Variants in LARP1B observed in about 807,000 individuals in gnomAD.
LARP1B encodes the protein la-related protein 1B.
A neutral mutation model predicts 114.2 loss-of-function variants in LARP1B; 76 were observed. That is an observed-to-expected ratio of 0.67 (90% confidence interval 0.55 to 0.81). The LOEUF is 0.81. Ranked by LOEUF, LARP1B falls within the 30% of genes least tolerant of loss-of-function variation. LARP1B has a pLI of 0.00. For synonymous variants in LARP1B, 345 were observed against 348.0 expected (o/e 0.99, Z 0.10); for missense variants, 1,014 against 1,075.8 (o/e 0.94, Z 0.80).
At chr4:128,077,088 G>A (rs766035262) in intron 3 of LARP1B, among the ~76,000 whole-genome samples, 2 of 152,086 alleles carry the variant, frequency 1.3e-5, no homozygotes, top group Admixed American at 6.6e-5. Flanking sequence ...TAAATGAGGA[G>A]TGGTATCCCA....
intron 1 of LARP1B, among the ~76,000 whole-genome samples, chr4:128,065,266 T>TTTCC (rs1338254213): frequency 2.2e-5 from 2 of 92,356 alleles, no homozygotes; most frequent in South Asian, 4.1e-4. Flanking sequence ...TCTTTCTTTC[T>TTTCC]TTCTTTCTTT....
At chr4:128,125,273 A>G (rs1225011788) in intron 11 of LARP1B, among the ~76,000 whole-genome samples, 1 of 152,148 alleles carries the variant, frequency 6.6e-6, no homozygotes, top group Non-Finnish European at 1.5e-5. Context: ...TCCTTTTCCC[A>G]TTTAATTGGT....
intron 1 of LARP1B, among the ~76,000 whole-genome samples, chr4:128,067,421 A>G (rs1763421767): frequency 6.6e-6 from 1 of 152,220 alleles, no homozygotes; most frequent in South Asian, 2.1e-4. Context: ...AACATAGGAA[A>G]CACAGGGGAG....
chr4:128,204,978 C>T (rs960384244), intron 17 of LARP1B, among the ~76,000 whole-genome samples: 19 of 152,162 alleles, frequency 1.2e-4, no homozygotes, highest in Admixed American at 6.5e-5. Flanking sequence ...CAACTGATGT[C>T]GGTATATGAT....
At chr4:128,134,899 G>A (rs919537794) in intron 11 of LARP1B, among the ~76,000 whole-genome samples, 1 of 152,102 alleles carries the variant, frequency 6.6e-6, no homozygotes, top group Non-Finnish European at 1.5e-5. Flanking sequence ...GAGGTCAGGA[G>A]TTTAAGACCA....
intron 15 of LARP1B, among the ~76,000 whole-genome samples, chr4:128,195,402 T>G (rs1187968767): frequency 6.6e-6 from 1 of 152,230 alleles, no homozygotes; most frequent in Non-Finnish European, 1.5e-5. Flanking sequence ...TTCATTTTGA[T>G]CTACCTCTTT....
intron 8 of LARP1B, among the ~76,000 whole-genome samples, chr4:128,103,244 T>C (rs1421358027): frequency 6.6e-6 from 1 of 152,232 alleles, no homozygotes; most frequent in Non-Finnish European, 1.5e-5. Context: ...GATCCTTTTA[T>C]GGCCTGAGTG....
chr4:128,135,508 G>A (rs915287906), intron 11 of LARP1B, among the ~76,000 whole-genome samples: 14 of 152,206 alleles, frequency 9.2e-5, no homozygotes, highest in African/African-American at 3.1e-4. Flanking sequence ...AACCCAAGAG[G>A]TGGGAGTAAG....
At chr4:128,178,813 G>T (rs1311977477) in intron 14 of LARP1B, among the ~76,000 whole-genome samples, 171 bp downstream of exon 14, 2 of 152,112 alleles carry the variant, frequency 1.3e-5, no homozygotes, top group African/African-American at 4.8e-5. Context: ...AAATTTTTCG[G>T]TTGGGCACGG....
chr4:128,103,847 C>T (rs1377937417), intron 8 of LARP1B, among the ~76,000 whole-genome samples: 1 of 151,970 alleles, frequency 6.6e-6, no homozygotes, highest in African/African-American at 2.4e-5. Flanking sequence ...CAGGTGTGAG[C>T]CACCATGCCT....
In LARP1B at chr4:128,199,593, C is replaced by G; in HGVS notation, c.2158C>G (p.Leu720Val). The G allele has an allele frequency of 2.6e-6, 4 of 1,540,806 alleles. No homozygotes were observed. The highest frequency in any genetic ancestry group is 3.5e-6 in the Non-Finnish European group (4 of 1,139,624). Residue 720 changes from leucine to valine, a missense_variant, in exon 16 of 20, where the codon CTA becomes GTA. Leu to Val is a conservative substitution (Grantham distance 32, BLOSUM62 1). Transcript: ENST00000326639. ...GTACCACAAGTATCGTCGAAGATGCCTAAGTGGTAAGATGCTTGTCCTTTA... is the reference window on the plus strand; with the variant it reads ...GTACCACAAGTATCGTCGAAGATGCGTAAGTGGTAAGATGCTTGTCCTTTA... The part of the protein sequence containing the change: ...QVYHKYRRRC[L>V]SERKRLGIGQ...
intron 11 of LARP1B, among the ~76,000 whole-genome samples, chr4:128,154,859 C>T (rs919052312): frequency 1.3e-5 from 2 of 150,508 alleles, no homozygotes; most frequent in African/African-American, 2.5e-5. Flanking sequence ...CTGCAACCTC[C>T]GTCTCCTGGG....
At chr4:128,069,081 G>T in intron 1 of LARP1B, 1 of 1,020,238 alleles carries the variant, frequency 9.8e-7, no homozygotes, top group Non-Finnish European at 1.5e-6. Context: ...ACCACCAATA[G>T]TGTGGTGGCA....
chr4:128,085,353 CTTT>C (rs35260726), intron 5 of LARP1B, among the ~76,000 whole-genome samples: 16 of 85,830 alleles, frequency 1.9e-4, no homozygotes, highest in South Asian at 1.1e-3. Context: ...CCTTAGCTTC[CTTT>C]TTTTTTTTTT....
At chr4:128,169,369 A>G (rs10019840) in intron 12 of LARP1B, among the ~76,000 whole-genome samples, 66,113 of 151,600 alleles carry the variant, frequency 0.44, 15,739 homozygotes, top group African/African-American at 0.62. Flanking sequence ...ACAAATTTCC[A>G]CCTAAGCAGT....
At chr4:128,169,141 T>A (rs1282954883) in intron 12 of LARP1B, among the ~76,000 whole-genome samples, 1 of 152,076 alleles carries the variant, frequency 6.6e-6, no homozygotes, top group Non-Finnish European at 1.5e-5. Context: ...TATAAATTTG[T>A]GTCTTTTTTG....
chr4:128,122,655 C>T, intron 11 of LARP1B: 1 of 1,421,194 alleles, frequency 7.0e-7, no homozygotes, highest in Non-Finnish European at 9.1e-7. Flanking sequence ...GTCTATGGTG[C>T]ATGATCTAAG....
At chr4:128,141,289 C>T (rs1545711) in intron 11 of LARP1B, among the ~76,000 whole-genome samples, 86,706 of 151,858 alleles carry the variant, frequency 0.57, 25,911 homozygotes, top group Middle Eastern at 0.8. Context: ...CATTGGCTAG[C>T]GTCTGGGCTC....
At chr4:128,083,264 C>G (rs1445471435) in intron 5 of LARP1B, among the ~76,000 whole-genome samples, 2 of 152,220 alleles carry the variant, frequency 1.3e-5, no homozygotes, top group Non-Finnish European at 2.9e-5. Context: ...CTTTTCCCCA[C>G]CTTTCCCCCC....
Sources: gnomAD v4.1 joint callset for allele counts (sites outside exome capture counted in the v4.1 genomes callset) on GRCh38, gnomAD v4.1.1 for gene constraint, MANE v1.5 for transcripts, NCBI Gene and HGNC (gene_info 2026-07-23, HGNC 2026-07-21) for gene names.